BBS9: variants seen among roughly 807,000 people sequenced by gnomAD.
BBS9 encodes protein PTHB1.
In BBS9, 89 loss-of-function variants were observed where a neutral mutation model predicts 117.7. That is an observed-to-expected ratio of 0.76 (90% confidence interval 0.64 to 0.90). The LOEUF is 0.90. Ranked by LOEUF, BBS9 falls within the 40% of genes least tolerant of loss-of-function variation. The pLI, the probability that BBS9 is intolerant of heterozygous loss-of-function variation, is 0.00. For missense variants in BBS9, 982 were observed against 1,042.2 expected, an observed-to-expected ratio of 0.94 and a Z score of 0.80; for synonymous variants, 379 against 370.9, an observed-to-expected ratio of 1.02 and a Z score of -0.25.
chr7:33,208,268 C>T (rs540130256), intron 5 of BBS9, among the ~76,000 whole-genome samples: 1 of 152,320 alleles, frequency 6.6e-6, no homozygotes, highest in South Asian at 2.1e-4. Context: ...TTGCTCATGT[C>T]TATAATACAT....
chr7:33,261,998 T>G (rs1319064620), intron 6 of BBS9, among the ~76,000 whole-genome samples: 1 of 152,222 alleles, frequency 6.6e-6, no homozygotes, highest in Non-Finnish European at 1.5e-5. Flanking sequence ...TTTCCAAATC[T>G]GCTTGGAATT....
At chr7:33,546,212 G>C (rs780346886) in intron 21 of BBS9, among the ~76,000 whole-genome samples, 5 of 151,770 alleles carry the variant, frequency 3.3e-5, no homozygotes, top group African/African-American at 4.8e-5. Context: ...GGATTACAGG[G>C]GTGAGCCACT....
At chr7:33,361,417 A>G (rs1408325819) in intron 16 of BBS9, among the ~76,000 whole-genome samples, 3 of 152,252 alleles carry the variant, frequency 2.0e-5, no homozygotes, top group East Asian at 1.9e-4. Context: ...GATTTTTTGT[A>G]CTTCTCTATT....
At chr7:33,632,964 A>G (rs566906910) in intron 21 of BBS9, among the ~76,000 whole-genome samples, 29 of 152,254 alleles carry the variant, frequency 1.9e-4, no homozygotes, top group Non-Finnish European at 3.4e-4. Flanking sequence ...AGGATCAAGG[A>G]AACCTTTCAG....
At chr7:33,576,420 T>A (rs1858877005) in intron 21 of BBS9, among the ~76,000 whole-genome samples, 1 of 152,096 alleles carries the variant, frequency 6.6e-6, no homozygotes, top group Non-Finnish European at 1.5e-5. Context: ...CATAAAGAAA[T>A]GGAAGAACAT....
At chr7:33,319,075 A>G (rs1186899186) in intron 9 of BBS9, among the ~76,000 whole-genome samples, 1 of 151,912 alleles carries the variant, frequency 6.6e-6, no homozygotes, top group East Asian at 1.9e-4. Flanking sequence ...AGGCAGGAGA[A>G]TCGCTTGAAC....
intron 21 of BBS9, among the ~76,000 whole-genome samples, chr7:33,541,770 A>T (rs954188607): frequency 6.6e-6 from 1 of 152,178 alleles, no homozygotes; most frequent in South Asian, 2.1e-4. Context: ...GACAGAAAGT[A>T]TGTTAGTGGT....
chr7:33,325,080 C>G (rs1387351992), intron 9 of BBS9, among the ~76,000 whole-genome samples: 2 of 152,214 alleles, frequency 1.3e-5, no homozygotes, highest in Admixed American at 1.3e-4. Context: ...CTATCTTTGT[C>G]TCTACCTGCT....
intron 5 of BBS9, among the ~76,000 whole-genome samples, chr7:33,219,245 C>T (rs986558125): frequency 2.0e-5 from 3 of 152,228 alleles, no homozygotes; most frequent in African/African-American, 7.2e-5. Context: ...GCCCGCCATG[C>T]CTGAGCCTCC....
chr7:33,348,630 A>G (rs973664682), intron 12 of BBS9, among the ~76,000 whole-genome samples: 1 of 152,152 alleles, frequency 6.6e-6, no homozygotes, highest in African/African-American at 2.4e-5. Context: ...CTTTGAAGAA[A>G]CTGCCAAACT....
intron 19 of BBS9, among the ~76,000 whole-genome samples, chr7:33,500,716 T>C (rs1372539073): frequency 6.6e-6 from 1 of 152,238 alleles, no homozygotes; most frequent in African/African-American, 2.4e-5. Context: ...AAATTGGACA[T>C]GTCCGTGTTC....
At chr7:33,246,415 TA>T (rs1795341532) in intron 5 of BBS9, among the ~76,000 whole-genome samples, 1 of 152,032 alleles carries the variant, frequency 6.6e-6, no homozygotes, top group Non-Finnish European at 1.5e-5. Flanking sequence ...GAGTTGATAA[TA>T]TGTAAAAAGC....
Position 33,227,822 on chromosome 7 carries a change from T to G in BBS9, c.443-29414T>G, listed in dbSNP as rs111585531. Among the ~76,000 whole-genome samples, 5 of 152,342 alleles carry G rather than the reference T, an allele frequency of 3.3e-5. 1 individual carries two copies. Among genetic ancestry groups the G allele is most frequent in the African/African-American group, 1.2e-4 (5 of 41,592 alleles). Reference sequence around the variant, plus strand: ...TTTATGGCTCAGTAGTACTCCATGGTGTATATATACCATATTTTCTTTATC... The same window carrying G: ...TTTATGGCTCAGTAGTACTCCATGGGGTATATATACCATATTTTCTTTATC... On this transcript the variant is annotated intron_variant, in intron 5 of 22. Transcript: ENST00000242067.
chr7:33,186,635 C>T (rs1312700739), intron 5 of BBS9, among the ~76,000 whole-genome samples: 1 of 151,796 alleles, frequency 6.6e-6, no homozygotes, highest in East Asian at 1.9e-4. Flanking sequence ...AAGAAAAGTC[C>T]AAAAAAATTT....
chr7:33,357,859 T>A lies in BBS9; in HGVS notation c.1557T>A (p.Ile519=). 6.2e-7 allele frequency: 1 copy of A among 1,611,858 alleles called. No homozygotes were observed. Among genetic ancestry groups the A allele is most frequent in the Non-Finnish European group, 8.5e-7 (1 of 1,178,266 alleles). ...SRPTDRNPDG[I]PRVIQCKFRL... ...CATATCTCTCTTTTATTTTAGGCAT[T>A]CCGCGAGTTATCCAATGTAAATTTA... The change falls in exon 16 of 23, where the codon ATT becomes ATA. Residue 519 remains isoleucine, a synonymous_variant. Coordinates refer to ENST00000242067, the MANE Select transcript of BBS9 (RefSeq NM_198428.3).
chr7:33,405,226 G>A (rs930741516), intron 19 of BBS9, among the ~76,000 whole-genome samples: 4 of 152,162 alleles, frequency 2.6e-5, no homozygotes, highest in African/African-American at 7.2e-5. Flanking sequence ...GCTTTTTGAT[G>A]TGCTGCTGTA....
intron 19 of BBS9, among the ~76,000 whole-genome samples, chr7:33,393,460 G>A (rs370712124): frequency 3.9e-5 from 6 of 152,214 alleles, no homozygotes; most frequent in African/African-American, 1.4e-4. Context: ...TTAGAACAAA[G>A]GGTCCTGTAT....
At chr7:33,313,491 A>G (rs1456969911) in intron 9 of BBS9, among the ~76,000 whole-genome samples, 1 of 152,220 alleles carries the variant, frequency 6.6e-6, no homozygotes, top group African/African-American at 2.4e-5. Flanking sequence ...TAGATTTAAC[A>G]GTCTTGTGTT....
chr7:33,487,932 T>C (rs1320450081), intron 19 of BBS9, among the ~76,000 whole-genome samples: 1 of 152,198 alleles, frequency 6.6e-6, no homozygotes, highest in African/African-American at 2.4e-5. Flanking sequence ...GGAAAATAAT[T>C]ATCAATATCC....
Sources: allele counts gnomAD v4.1 joint callset (sites outside exome capture counted in the v4.1 genomes callset), GRCh38; gene constraint gnomAD v4.1.1; transcripts MANE v1.5; gene names NCBI Gene and HGNC (gene_info 2026-07-23, HGNC 2026-07-21).